Variants in CARF observed in about 807,000 individuals in gnomAD.
CARF encodes calcium-responsive transcription factor.
A neutral mutation model predicts 82.0 loss-of-function variants in CARF; 57 were observed. The ratio of observed to expected loss-of-function variants is 0.70; its 90% CI spans 0.56 to 0.87. The LOEUF is 0.87. Among genes scored for constraint, CARF ranks in the 40% least tolerant of loss-of-function variants. The pLI is 0.00. For missense variants in CARF, 771 were observed against 855.8 expected (o/e 0.90, Z 1.24); for synonymous variants, 268 against 290.1 (o/e 0.92, Z 0.77).
chr2:202,928,158 A>G (rs1194389957), intron 3 of CARF, among the ~76,000 whole-genome samples: 1 of 152,056 alleles, frequency 6.6e-6, no homozygotes, highest in Non-Finnish European at 1.5e-5. Context: ...TCTAGTAACC[A>G]TTATTCTACT....
At chr2:202,913,587 G>C (rs997627734) in intron 1 of CARF, among the ~76,000 whole-genome samples, 34 of 152,298 alleles carry the variant, frequency 2.2e-4, no homozygotes, top group African/African-American at 7.0e-4. Context: ...TATTAGGCTT[G>C]AGCTTGCTAA....
rs770069952 is a variant in CARF, at chr2:202,942,728, TC to T, written c.79-10del. ...TGATAGACTGAAGTGATTTTTTTTTTCCTTACAAAAGCATCTAATCTGTATG... is the reference window on the plus strand; with the variant it reads ...TGATAGACTGAAGTGATTTTTTTTTTCTTACAAAAGCATCTAATCTGTATG... On this transcript the variant is annotated splice_polypyrimidine_tract_variant and intron_variant, in intron 4 of 16. Coordinates refer to ENST00000438828, the MANE Select transcript of CARF (RefSeq NM_024744.17). 1.2e-5 allele frequency: 18 copies of T among 1,548,378 alleles called. No homozygotes were observed. Among genetic ancestry groups the T allele is most frequent in the Non-Finnish European group, 1.6e-5 (18 of 1,145,176 alleles).
chr2:202,967,403 A>G (rs2059599418), intron 10 of CARF, among the ~76,000 whole-genome samples: 1 of 152,192 alleles, frequency 6.6e-6, no homozygotes, highest in South Asian at 2.1e-4. Flanking sequence ...TTAAACTTAC[A>G]TAGTAGTGTA....
chr2:202,931,723 G>A (rs567463836), intron 3 of CARF, among the ~76,000 whole-genome samples: 3 of 152,090 alleles, frequency 2.0e-5, no homozygotes, highest in Non-Finnish European at 4.4e-5. Context: ...TGCATTCAAC[G>A]TCAGCAATAA....
intron 11 of CARF, among the ~76,000 whole-genome samples, chr2:202,970,706 A>G (rs1352859939): frequency 6.6e-6 from 1 of 152,244 alleles, no homozygotes. Flanking sequence ...ATGAAAGTCA[A>G]AAATATCACT....
At position 202,981,659 on chromosome 2, in the gene CARF, C is replaced by T; in HGVS notation, c.1663C>T (p.Gln555Ter). 1 of 1,611,970 alleles carries T rather than the reference C, an allele frequency of 6.2e-7. No homozygotes were observed. Among genetic ancestry groups the T allele is most frequent in the Non-Finnish European group, 8.5e-7 (1 of 1,178,778 alleles). The change falls in exon 15 of 17, where the codon CAG (glutamine) becomes TAG (stop). Residue 555 changes from glutamine to a stop codon, truncating the protein, a stop_gained. Coordinates refer to ENST00000438828, the MANE Select transcript of CARF (RefSeq NM_024744.17). LOFTEE classifies it high-confidence loss of function. The stretch of plus-strand genomic sequence containing the variant: ...CTTGCTCTCCTCACTCTCCTCATTT[C>T]AGCCCAAAATATTTACACAACTACA... ...THLLSSLSSF[Q>*]PKIFTQLQGL...
chr2:202,936,819 A>G (rs1559206917), intron 3 of CARF, among the ~76,000 whole-genome samples: 1 of 152,118 alleles, frequency 6.6e-6, no homozygotes. Flanking sequence ...TGTCCAATTT[A>G]TCTGTTTTCT....
rs55730144 is a variant in CARF, at chr2:202,969,578, AAAATAAAT to A, written c.954-306_954-299del. On this transcript the variant is annotated intron_variant, in intron 10 of 16. Coordinates refer to ENST00000438828, the MANE Select transcript of CARF (RefSeq NM_024744.17). ...CAACAAGAGCAAAACTCCATCTCAA[AAAATAAAT>A]AAATAAATAAATAAATAAATAAATA... Among the ~76,000 whole-genome samples the A allele has an allele frequency of 9.0e-3, 1,294 of 144,354 alleles. 9 individuals carry two copies. Among genetic ancestry groups the A allele is most frequent in the Non-Finnish European group, 0.014 (948 of 66,078 alleles). 94.7% of individuals were successfully genotyped at this position (144,354 alleles called of 152,430 possible). A position where few individuals can be genotyped will look rare whatever the true frequency, so the allele number is the denominator to read the frequency against.
chr2:202,941,947 T>G lies in CARF; in HGVS notation c.45T>G (p.Gly15=). The G allele has an allele frequency of 6.2e-7, 1 of 1,613,656 alleles. No homozygotes were observed. Among genetic ancestry groups the G allele is most frequent in the Non-Finnish European group, 8.5e-7 (1 of 1,179,762 alleles). ...CATTAAGAGTCAACCATAATGACGG[T>G]GAAGAGTCAAAAACCAGTGCTCAAG... ...NDSLRVNHND[G]EESKTSAQVF... is the part of the protein sequence containing the mutation. Residue 15 remains glycine (G), a synonymous_variant, in exon 4 of 17, where the codon GGT becomes GGG. Transcript: ENST00000438828.
At chr2:202,953,063 C>G (rs1168848741) in intron 6 of CARF, among the ~76,000 whole-genome samples, 1 of 152,094 alleles carries the variant, frequency 6.6e-6, no homozygotes, top group Non-Finnish European at 1.5e-5. Flanking sequence ...ATCCCCCAGG[C>G]TGGAGTACAT....
intron 9 of CARF, 34 bp downstream of exon 9, chr2:202,961,460 G>A: frequency 6.4e-7 from 1 of 1,573,816 alleles, no homozygotes; most frequent in East Asian, 2.3e-5. Flanking sequence ...AAAAGGTTCA[G>A]CAGCAGCCAT....
chr2:202,958,261 G>GTGTGTGTGTGTGTGTA (rs1228193832), intron 8 of CARF, among the ~76,000 whole-genome samples: 2 of 151,326 alleles, frequency 1.3e-5, no homozygotes, highest in East Asian at 3.9e-4. Flanking sequence ...GTGTGTGTGT[G>GTGTGTGTGTGTGTGTA]TGTGTGTGTG....
At chr2:202,932,042 GAAGGCA>G (rs1693035974) in intron 3 of CARF, among the ~76,000 whole-genome samples, 1 of 152,142 alleles carries the variant, frequency 6.6e-6, no homozygotes, top group Non-Finnish European at 1.5e-5. Flanking sequence ...AGTCATGGTG[GAAGGCA>G]AAGGGGGAAC....
rs1688912897 is a variant in CARF, at chr2:202,912,967, A to G, written c.-465A>G. ...CTCAATGGTCCCAAGAATTACTCTA[A>G]TATAGTTGTTTTTCTGAGGGAGGAT... On this transcript the variant is annotated 5_prime_UTR_variant, in exon 1 of 17. Coordinates refer to ENST00000438828, the MANE Select transcript of CARF (RefSeq NM_024744.17). 6.6e-6 allele frequency: 1 copy of G among 152,144 alleles called. No homozygotes were observed. Among genetic ancestry groups the G allele is most frequent in the Admixed American group, 6.5e-5 (1 of 15,274 alleles). 9.4% of individuals were successfully genotyped at this position (152,144 alleles called of 1,614,324 possible). A position where few individuals can be genotyped will look rare whatever the true frequency, so the allele number is the denominator to read the frequency against.
intron 2 of CARF, among the ~76,000 whole-genome samples, chr2:202,918,271 A>G (rs1017466041): frequency 6.6e-6 from 1 of 152,200 alleles, no homozygotes; most frequent in Non-Finnish European, 1.5e-5. Flanking sequence ...CTGTAATCCC[A>G]GCACTTTGGG....
intron 3 of CARF, among the ~76,000 whole-genome samples, chr2:202,937,992 G>A (rs1694224252): frequency 6.6e-6 from 1 of 151,784 alleles, no homozygotes; most frequent in Non-Finnish European, 1.5e-5. Flanking sequence ...TACATGAAAT[G>A]TTTTGATACT....
At chr2:202,965,333 T>C (rs2059504426) in intron 9 of CARF, among the ~76,000 whole-genome samples, 1 of 152,216 alleles carries the variant, frequency 6.6e-6, no homozygotes, top group Non-Finnish European at 1.5e-5. Flanking sequence ...CTGTTTGTGG[T>C]GTTCAGATTG....
intron 7 of CARF, among the ~76,000 whole-genome samples, chr2:202,954,572 G>C (rs1002318782): frequency 6.6e-6 from 1 of 151,824 alleles, no homozygotes; most frequent in African/African-American, 2.4e-5. Context: ...AATTAGCTGG[G>C]TGTGGTGGTG....
intron 3 of CARF, among the ~76,000 whole-genome samples, chr2:202,931,203 C>T (rs578220152): frequency 6.6e-6 from 1 of 152,194 alleles, no homozygotes; most frequent in African/African-American, 2.4e-5. Flanking sequence ...AACTCTCGAC[C>T]TTAGGTTATC....
Sources: allele counts gnomAD v4.1 joint callset (sites outside exome capture counted in the v4.1 genomes callset), GRCh38; gene constraint gnomAD v4.1.1; transcripts MANE v1.5; gene names NCBI Gene and HGNC (gene_info 2026-07-23, HGNC 2026-07-21).